ANKRD17: variants seen among roughly 807,000 people sequenced by gnomAD.
ANKRD17 encodes the protein ankyrin repeat domain 17.
A neutral mutation model predicts 229.7 loss-of-function variants in ANKRD17; 19 were observed. The observed-to-expected ratio is 0.08, with a 90% CI of 0.06 to 0.12. The LOEUF is 0.12. ANKRD17 is among the 10% of genes least tolerant of loss of function. The pLI is 1.00. For synonymous variants in ANKRD17, 1,112 were observed against 1,146.1 expected (o/e 0.97, Z 0.60); for missense variants, 2,176 against 3,176.8 (o/e 0.68, Z 7.57).
intron 22 of ANKRD17, among the ~76,000 whole-genome samples, chr4:73,117,340 C>A (rs554552488): frequency 6.6e-6 from 1 of 152,208 alleles, no homozygotes; most frequent in Non-Finnish European, 1.5e-5. Context: ...ATAAGATCTA[C>A]AAGCACTAAA....
chr4:73,221,482 T>C lies in ANKRD17; in HGVS notation c.393+36794A>G, dbSNP rs189265389. 2.0e-3 allele frequency among the ~76,000 whole-genome samples: 300 copies of C among 152,260 alleles called. 6 individuals carry two copies. The highest frequency in any genetic ancestry group is 0.018 in the Admixed American group (278 of 15,288). On this transcript the variant is annotated intron_variant, in intron 1 of 33. Transcript: ENST00000358602. ...GCTAAGAAAAATTGTCAAATAGATT[T>C]ATCAAAATCTCCAAAGCACACTTCT...
rs751899377 is a variant in ANKRD17, at chr4:73,076,923, T to C, written c.7752+17A>G. On this transcript the variant is annotated intron_variant, in intron 33 of 33. Transcript: ENST00000358602. Reference sequence around the variant, plus strand: ...AAACACAAAACAACTGTTTATTCACTGAATGATCAGCCTCACCGTTTGAGG... The same window carrying C: ...AAACACAAAACAACTGTTTATTCACCGAATGATCAGCCTCACCGTTTGAGG... The C allele has an allele frequency of 3.7e-6, 6 of 1,600,268 alleles. No individual in the cohort carries two copies. The highest frequency in any genetic ancestry group is 5.1e-6 in the Non-Finnish European group (6 of 1,174,560).
intron 25 of ANKRD17, chr4:73,101,071 A>G (rs1723921752): frequency 2.3e-6 from 2 of 857,166 alleles, no homozygotes; most frequent in Non-Finnish European, 2.8e-6. Flanking sequence ...GATTTAAAGT[A>G]TATGGGAGAA....
intron 3 of ANKRD17, 36 bp downstream of exon 3, chr4:73,161,156 A>G (rs1732478980): frequency 6.3e-7 from 1 of 1,599,940 alleles, no homozygotes; most frequent in African/African-American, 1.3e-5. Flanking sequence ...TTTTAAGAAA[A>G]TGATTTCATA....
chr4:73,089,650 A>C (rs534198903), intron 29 of ANKRD17, among the ~76,000 whole-genome samples: 97 of 152,180 alleles, frequency 6.4e-4, no homozygotes, highest in Non-Finnish European at 1.3e-3. Context: ...TGGTCACATG[A>C]AGGGAAGCTG....
At chr4:73,153,132 G>A (rs1322519202) in intron 6 of ANKRD17, among the ~76,000 whole-genome samples, 1 of 152,074 alleles carries the variant, frequency 6.6e-6, no homozygotes, top group African/African-American at 2.4e-5. Context: ...GCAAGTGAAA[G>A]GTTAGTCACT....
intron 1 of ANKRD17, among the ~76,000 whole-genome samples, chr4:73,211,158 T>C (rs1162498293): frequency 6.6e-6 from 1 of 152,062 alleles, no homozygotes; most frequent in Non-Finnish European, 1.5e-5. Flanking sequence ...TAAATGTATA[T>C]GGTCTCACAT....
At chr4:73,149,403 G>A (rs1730701501) in intron 7 of ANKRD17, among the ~76,000 whole-genome samples, 1 of 152,108 alleles carries the variant, frequency 6.6e-6, no homozygotes, top group Non-Finnish European at 1.5e-5. Context: ...AAAGTTTAGA[G>A]AGGAAAAGAA....
intron 29 of ANKRD17, among the ~76,000 whole-genome samples, chr4:73,089,669 T>C (rs1174401011): frequency 6.6e-6 from 1 of 152,208 alleles, no homozygotes; most frequent in Non-Finnish European, 1.5e-5. Flanking sequence ...TGAGGAATTA[T>C]AGAATTCTTC....
chr4:73,194,294 T>C (rs1290161921), intron 1 of ANKRD17, among the ~76,000 whole-genome samples: 1 of 152,162 alleles, frequency 6.6e-6, no homozygotes, highest in Non-Finnish European at 1.5e-5. Context: ...AAGGAATAGG[T>C]TGAAGTTCCA....
chr4:73,252,507 T>G (rs1473501090), intron 1 of ANKRD17, among the ~76,000 whole-genome samples: 2 of 151,828 alleles, frequency 1.3e-5, no homozygotes, highest in Non-Finnish European at 2.9e-5. Flanking sequence ...AGGGAGAGGG[T>G]GGGGGTCACA....
chr4:73,217,292 T>C (rs370549102), intron 1 of ANKRD17, among the ~76,000 whole-genome samples: 5 of 152,278 alleles, frequency 3.3e-5, no homozygotes, highest in African/African-American at 1.2e-4. Flanking sequence ...CATATTCCAC[T>C]AAAATATCAT....
chr4:73,258,744 G>A lies in ANKRD17; in HGVS notation c.-76C>T, dbSNP rs1745729040. On this transcript the variant is annotated 5_prime_UTR_variant, in exon 1 of 34. Transcript: ENST00000358602. ...TCTACCGCGACTTCGGCCGCACTGG[G>A]GCCGACACAGCAATCGGTGCCGCCT... The A allele has an allele frequency of 5.1e-6, 7 of 1,367,378 alleles. No individual in the cohort carries two copies. The highest frequency in any genetic ancestry group is 1.7e-5 in the South Asian group (1 of 59,422). The allele number at this position is 1,367,378 out of a possible 1,614,324, so 84.7% of individuals were successfully genotyped here.
At chr4:73,155,603 G>A in intron 5 of ANKRD17, 28 bp downstream of exon 5, 2 of 1,611,964 alleles carry the variant, frequency 1.2e-6, no homozygotes, top group South Asian at 1.1e-5. Context: ...TTACTATGTA[G>A]TAAAACTGAA....
intron 1 of ANKRD17, among the ~76,000 whole-genome samples, chr4:73,231,870 C>T (rs892293322): frequency 6.6e-5 from 10 of 152,154 alleles, no homozygotes; most frequent in South Asian, 2.1e-4. Context: ...TCTCCATAAA[C>T]GCCTATAAGG....
In ANKRD17 at chr4:73,121,727, A is replaced by G. The variant is rs764559653; in HGVS notation, c.3525T>C (p.Asn1175=). The G allele has an allele frequency of 5.6e-6, 9 of 1,611,266 alleles. 1 individual carries two copies. In the South Asian group the frequency reaches 1.0e-4, roughly 18 times the overall value. ...VVELLLARGA[N]KEHRNVSDYT... ...AATCAGAAACATTCCTGTGCTCTTT[A>G]TTTGCCCCTCGAGCTAACAATAGCT... Residue 1175 remains asparagine, a synonymous_variant, in exon 19 of 34, where the codon AAT becomes AAC. Coordinates refer to ENST00000358602, the MANE Select transcript of ANKRD17 (RefSeq NM_032217.5).
intron 23 of ANKRD17, among the ~76,000 whole-genome samples, chr4:73,115,540 T>A (rs555917367): frequency 6.6e-6 from 1 of 152,234 alleles, no homozygotes; most frequent in South Asian, 2.1e-4. Context: ...TCCACCTGCC[T>A]CGGCCTCCCA....
chr4:73,236,576 G>A (rs1310286357), intron 1 of ANKRD17, among the ~76,000 whole-genome samples: 1 of 152,030 alleles, frequency 6.6e-6, no homozygotes, highest in Non-Finnish European at 1.5e-5. Context: ...GTAAATGTTG[G>A]AGGAGAATAG....
chr4:73,149,240 A>C (rs1730677803), intron 7 of ANKRD17, among the ~76,000 whole-genome samples, 190 bp from the exon 8 acceptor site: 1 of 152,162 alleles, frequency 6.6e-6, no homozygotes, highest in Admixed American at 6.5e-5. Context: ...TAGAAGAGGG[A>C]AATAGAGATT....
Sources: gnomAD v4.1 joint callset for allele counts (sites outside exome capture counted in the v4.1 genomes callset) on GRCh38, gnomAD v4.1.1 for gene constraint, MANE v1.5 for transcripts, NCBI Gene and HGNC (gene_info 2026-07-23, HGNC 2026-07-21) for gene names.